Variants in SUCLG2 observed in about 807,000 individuals in gnomAD.
The protein encoded by SUCLG2 is succinate-CoA ligase GDP-forming subunit beta, also known as succinate--CoA ligase [GDP-forming] subunit beta, mitochondrial.
SUCLG2 carries 42 observed loss-of-function variants against 47.9 expected under a neutral mutation model. The observed-to-expected ratio is 0.88, with a 90% CI of 0.69 to 1.14. SUCLG2 has a LOEUF of 1.14. Among genes scored for constraint, SUCLG2 ranks in the 50% most tolerant of loss-of-function variants. SUCLG2 has a pLI of 0.00. For missense variants in SUCLG2, 571 were observed against 525.9 expected (o/e 1.09, Z -0.84); for synonymous variants, 195 against 197.3 (o/e 0.99, Z 0.10).
At chr3:67,651,171 G>A (rs368646047) in intron 1 of SUCLG2, among the ~76,000 whole-genome samples, 9 of 152,162 alleles carry the variant, frequency 5.9e-5, no homozygotes, top group African/African-American at 2.2e-4. Context: ...AACAGGGGGC[G>A]TGTACAGTAC....
rs115888697 is a variant in SUCLG2, at chr3:67,554,304, C to A, written c.227-25118G>T. Among the ~76,000 whole-genome samples the A allele has an allele frequency of 1.8e-3, 275 of 152,290 alleles. 1 individual carries two copies. Among genetic ancestry groups the A allele is most frequent in the African/African-American group, 5.5e-3 (228 of 41,564 alleles). ...GGCTAAAGCTATTACATTTACTTAACCATGTGAATGTTGTTTTGTTGGAGT... is the reference window on the plus strand; with the variant it reads ...GGCTAAAGCTATTACATTTACTTAAACATGTGAATGTTGTTTTGTTGGAGT... On this transcript the variant is annotated intron_variant, in intron 2 of 10. Coordinates refer to ENST00000307227, the MANE Select transcript of SUCLG2 (RefSeq NM_003848.4).
At chr3:67,653,320 C>G (rs1701320893) in intron 1 of SUCLG2, among the ~76,000 whole-genome samples, 1 of 152,148 alleles carries the variant, frequency 6.6e-6, no homozygotes. Flanking sequence ...TTAGACAAAA[C>G]TGCCATTCCT....
At chr3:67,395,045 C>T (rs939602151) in intron 10 of SUCLG2, among the ~76,000 whole-genome samples, 3 of 151,994 alleles carry the variant, frequency 2.0e-5, no homozygotes, top group African/African-American at 2.4e-5. Context: ...AAAGGAACAA[C>T]CGGTACCAGC....
chr3:67,508,177 A>C (rs1212616240), intron 7 of SUCLG2, among the ~76,000 whole-genome samples: 24 of 152,140 alleles, frequency 1.6e-4, no homozygotes, highest in Admixed American at 1.5e-3. Context: ...AAAGAGTTCA[A>C]CTGGGGGGGA....
intron 2 of SUCLG2, among the ~76,000 whole-genome samples, chr3:67,555,091 G>C (rs1054388367): frequency 6.6e-6 from 1 of 152,114 alleles, no homozygotes; most frequent in African/African-American, 2.4e-5. Context: ...CTGGGAAACT[G>C]ATCACACTGA....
chr3:67,370,264 TA>T (rs1701935491), downstream of SUCLG2, among the ~76,000 whole-genome samples: 1 of 152,118 alleles, frequency 6.6e-6, no homozygotes, highest in South Asian at 2.1e-4. Flanking sequence ...ATAGGATAAT[TA>T]AAAATATGTT....
At chr3:67,597,976 C>A (rs960703210) in intron 2 of SUCLG2, among the ~76,000 whole-genome samples, 1 of 151,786 alleles carries the variant, frequency 6.6e-6, no homozygotes, top group African/African-American at 2.4e-5. Flanking sequence ...AAAAAACTCT[C>A]ATTTCCTTTT....
rs550386125 is a variant in SUCLG2 at position 67,415,934 on chromosome 3, T to C, written c.1063-15083A>G. On this transcript the variant is annotated intron_variant, in intron 9 of 10. Transcript: ENST00000307227. ...GGGGCTCCTTCCTATTTGTTCTCTCTCTTGGATCACTCACTCTGGGCAAGC... is the reference window on the plus strand; with the variant it reads ...GGGGCTCCTTCCTATTTGTTCTCTCCCTTGGATCACTCACTCTGGGCAAGC... Among the ~76,000 whole-genome samples, 160 of 152,314 alleles carry C rather than the reference T, an allele frequency of 1.1e-3. 1 individual carries two copies. The highest frequency in any genetic ancestry group is 1.9e-3 in the Non-Finnish European group (132 of 68,026).
At chr3:67,561,299 T>C (rs1302660940) in intron 2 of SUCLG2, among the ~76,000 whole-genome samples, 1 of 152,078 alleles carries the variant, frequency 6.6e-6, no homozygotes, top group Non-Finnish European at 1.5e-5. Context: ...ATTTATTTAC[T>C]CTCATGCTGG....
At chr3:67,418,851 A>T (rs1223402302) in intron 9 of SUCLG2, among the ~76,000 whole-genome samples, 1 of 152,188 alleles carries the variant, frequency 6.6e-6, no homozygotes, top group East Asian at 1.9e-4. Flanking sequence ...CCTCTCCTGG[A>T]ACTCAGGGAT....
At chr3:67,637,564 C>T (rs1197950391) in intron 1 of SUCLG2, among the ~76,000 whole-genome samples, 3 of 152,192 alleles carry the variant, frequency 2.0e-5, no homozygotes, top group Non-Finnish European at 2.9e-5. Flanking sequence ...TGAGTGAAGT[C>T]TGTCACTGAA....
intron 1 of SUCLG2, among the ~76,000 whole-genome samples, chr3:67,638,223 A>AAT (rs1422733829): frequency 1.3e-5 from 2 of 152,232 alleles, no homozygotes; most frequent in Non-Finnish European, 2.9e-5. Flanking sequence ...GATAAATGAT[A>AAT]GATAATGATA....
rs147377086 is a variant in SUCLG2, at chr3:67,522,956, G to T, written c.418-2322C>A. The stretch of plus-strand genomic sequence containing the variant: ...TGGGATTACAGGCATGAGCCACCGT[G>T]CCTGGCCTAATTGTTTTGTATTTTT... On this transcript the variant is annotated intron_variant, in intron 4 of 10. Coordinates refer to ENST00000307227, the MANE Select transcript of SUCLG2 (RefSeq NM_003848.4). Among the ~76,000 whole-genome samples the T allele has an allele frequency of 4.4e-3, 666 of 151,522 alleles. 8 individuals are homozygous for T. In the East Asian group the frequency reaches 0.053, roughly 12 times the overall value.
At chr3:67,481,405 C>A (rs1356081268) in intron 9 of SUCLG2, among the ~76,000 whole-genome samples, 2 of 152,200 alleles carry the variant, frequency 1.3e-5, no homozygotes, top group African/African-American at 2.4e-5. Context: ...CAGCTGTATT[C>A]CGGTACAACT....
chr3:67,550,512 AT>A (rs910086232), intron 2 of SUCLG2, among the ~76,000 whole-genome samples: 2 of 151,552 alleles, frequency 1.3e-5, no homozygotes, highest in South Asian at 4.2e-4. Flanking sequence ...ATGCCTGGAA[AT>A]TTTTTTTGTT....
intron 1 of SUCLG2, among the ~76,000 whole-genome samples, chr3:67,647,634 G>A (rs1016772381): frequency 6.6e-5 from 10 of 152,306 alleles, no homozygotes; most frequent in African/African-American, 1.4e-4. Flanking sequence ...TCCAGCAGTC[G>A]TCACTACTAA....
chr3:67,364,021 C>A (rs2106740733), intron 10 of SUCLG2, among the ~76,000 whole-genome samples: 1 of 152,230 alleles, frequency 6.6e-6, no homozygotes, highest in Admixed American at 6.5e-5. Context: ...AAGGAAACCA[C>A]CAACAAAAGC....
At chr3:67,533,233 C>T (rs926166892) in intron 2 of SUCLG2, among the ~76,000 whole-genome samples, 1 of 152,124 alleles carries the variant, frequency 6.6e-6, no homozygotes, top group East Asian at 1.9e-4. Flanking sequence ...GATGAGTCAA[C>T]TATTTGTGTT....
At chr3:67,475,435 A>T (rs1234148497) in intron 9 of SUCLG2, among the ~76,000 whole-genome samples, 1 of 152,218 alleles carries the variant, frequency 6.6e-6, no homozygotes, top group Non-Finnish European at 1.5e-5. Context: ...TTCTGAGAGC[A>T]CATCCCCAAA....
Sources: gnomAD v4.1 joint callset for allele counts (sites outside exome capture counted in the v4.1 genomes callset) on GRCh38, gnomAD v4.1.1 for gene constraint, MANE v1.5 for transcripts, NCBI Gene and HGNC (gene_info 2026-07-23, HGNC 2026-07-21) for gene names.